Variants in SMAGP observed in about 807,000 individuals in gnomAD.
SMAGP encodes the protein small cell adhesion glycoprotein.
A neutral mutation model predicts 10.1 loss-of-function variants in SMAGP; 7 were observed. That is an observed-to-expected ratio of 0.70 (90% CI 0.40 to 1.31). The LOEUF is 1.31. SMAGP is among the 50% of genes most tolerant of loss of function. SMAGP has a pLI of 0.01. For synonymous variants in SMAGP, 49 were observed against 47.2 expected, an observed-to-expected ratio of 1.04 and a Z score of -0.16; for missense variants, 113 against 116.5, an observed-to-expected ratio of 0.97 and a Z score of 0.14.
In SMAGP at chr12:51,246,759, A is replaced by T. The variant is rs1172796260; in HGVS notation, c.107T>A (p.Leu36His). Reference protein sequence around the residue: ...LSPEDGASTALIAVVITVVFL... With the variant: ...LSPEDGASTAHIAVVITVVFL... Reference sequence around the variant, plus strand: ...GGCTCAGAGTCTATTACCTGCAATGAGTGCTGTGCTGGCTCCATCTTCTGG... The same window carrying T: ...GGCTCAGAGTCTATTACCTGCAATGTGTGCTGTGCTGGCTCCATCTTCTGG... Residue 36 changes from leucine to histidine, a missense_variant, in exon 3 of 4, where the codon CTC becomes CAC. Physicochemically the swap from Leu to His is moderately conservative, Grantham distance 99 (BLOSUM62 -3). Transcript: ENST00000603798. The T allele has an allele frequency of 3.2e-6, 5 of 1,581,516 alleles. No homozygotes were observed. Among genetic ancestry groups the T allele is most frequent in the Non-Finnish European group, 4.3e-6 (5 of 1,164,340 alleles).
chr12:51,265,332 G>A (rs2137310885), intron 2 of SMAGP, among the ~76,000 whole-genome samples: 1 of 152,218 alleles, frequency 6.6e-6, no homozygotes, highest in South Asian at 2.1e-4. Flanking sequence ...ATCAAACACA[G>A]AATTACCACA....
chr12:51,262,670 T>C (rs894932789), intron 2 of SMAGP, among the ~76,000 whole-genome samples: 8 of 152,156 alleles, frequency 5.3e-5, no homozygotes, highest in Non-Finnish European at 7.4e-5. Flanking sequence ...GTTCATAAGA[T>C]TGAAGGCCCC....
At chr12:51,265,892 C>G (rs574455071) in intron 2 of SMAGP, among the ~76,000 whole-genome samples, 2,691 of 152,216 alleles carry the variant, frequency 0.018, 86 homozygotes, top group African/African-American at 0.061. Context: ...ACCATCCTGG[C>G]TAACACGGTG....
intron 3 of SMAGP, 147 bp from the exon 4 acceptor site, chr12:51,246,266 C>A: frequency 1.8e-6 from 2 of 1,130,164 alleles, no homozygotes; most frequent in Non-Finnish European, 2.5e-6. Flanking sequence ...CCCATGTTCC[C>A]CCACCAACCC....
intron 2 of SMAGP, among the ~76,000 whole-genome samples, chr12:51,260,954 G>A (rs1355836831): frequency 2.0e-5 from 3 of 151,682 alleles, no homozygotes; most frequent in Non-Finnish European, 4.4e-5. Flanking sequence ...CCAAAGTGCT[G>A]GGATTACAGT....
intron 2 of SMAGP, among the ~76,000 whole-genome samples, chr12:51,249,821 T>G (rs905446729): frequency 5.3e-5 from 8 of 151,768 alleles, no homozygotes; most frequent in Non-Finnish European, 1.0e-4. Context: ...TTCACCATGT[T>G]GGCCAGGCTG....
At chr12:51,259,312 C>T (rs1317170221) in intron 2 of SMAGP, among the ~76,000 whole-genome samples, 1 of 152,180 alleles carries the variant, frequency 6.6e-6, no homozygotes, top group Non-Finnish European at 1.5e-5. Context: ...TGGAGTCTTA[C>T]TGTGTTGCCT....
intron 2 of SMAGP, among the ~76,000 whole-genome samples, chr12:51,262,458 G>A (rs1944939812): frequency 6.6e-6 from 1 of 152,136 alleles, no homozygotes; most frequent in Non-Finnish European, 1.5e-5. Context: ...TACAGCCTGG[G>A]TGAAACTGAG....
intron 2 of SMAGP, among the ~76,000 whole-genome samples, chr12:51,264,999 T>A (rs1391827870): frequency 6.1e-5 from 9 of 147,544 alleles, no homozygotes; most frequent in Non-Finnish European, 1.2e-4. Flanking sequence ...TTAAAAAAAA[T>A]TTTTAAAGGA....
intron 2 of SMAGP, among the ~76,000 whole-genome samples, chr12:51,248,434 A>ACACACTCTCACTCTCTCT (rs1188710796): frequency 7.7e-5 from 6 of 77,468 alleles, no homozygotes; most frequent in African/African-American, 3.1e-4. Context: ...ACACACACAC[A>ACACACTCTCACTCTCTCT]CTCTCTCTCT....
At chr12:51,249,147 G>C (rs1944812684) in intron 2 of SMAGP, among the ~76,000 whole-genome samples, 1 of 152,092 alleles carries the variant, frequency 6.6e-6, no homozygotes, top group Non-Finnish European at 1.5e-5. Flanking sequence ...GGAGGGTGAC[G>C]CACCAGGGAG....
chr12:51,247,932 A>T (rs1317984703), intron 2 of SMAGP, among the ~76,000 whole-genome samples: 10 of 152,204 alleles, frequency 6.6e-5, no homozygotes, highest in Non-Finnish European at 2.9e-5. Flanking sequence ...TCCAGCCAGA[A>T]GCGACCCCCC....
chr12:51,266,236 T>C (rs1221764656), intron 2 of SMAGP, among the ~76,000 whole-genome samples: 1 of 152,218 alleles, frequency 6.6e-6, no homozygotes, highest in East Asian at 1.9e-4. Context: ...TTAAATTATG[T>C]ACCGTTCTGA....
Position 51,256,749 on chromosome 12 carries a change from AC to A in SMAGP, c.35-9919del, listed in dbSNP as rs567743750. Among the ~76,000 whole-genome samples, 464 of 144,558 alleles carry A rather than the reference AC, an allele frequency of 3.2e-3. 4 individuals are homozygous for A. Among genetic ancestry groups the A allele is most frequent in the African/African-American group, 0.011 (440 of 39,268 alleles). The allele number at this position is 144,558 out of a possible 152,430, so 94.8% of individuals were successfully genotyped here. ...ACAAACAAACAAACAAACAAAAAAA[AC>A]ACAAACAAACAAAACCTCCCCCCCA... On this transcript the variant is annotated intron_variant, in intron 2 of 3. Transcript: ENST00000603798.
intron 2 of SMAGP, among the ~76,000 whole-genome samples, chr12:51,257,453 T>A (rs998960614): frequency 7.9e-5 from 12 of 152,152 alleles, no homozygotes; most frequent in Non-Finnish European, 1.5e-4. Flanking sequence ...CTTGTGCCTA[T>A]AATCCCAGCA....
In SMAGP at chr12:51,262,351, G is replaced by A. The variant is rs190785252; in HGVS notation, c.34+6894C>T. Among the ~76,000 whole-genome samples, 16 of 150,258 alleles carry A rather than the reference G, an allele frequency of 1.1e-4. No homozygotes were observed. The East Asian group carries it at 2.6e-3, about 25-fold the overall frequency. ...AAAAATTAACTGGGCATGGTGGCAC[G>A]CACCTGTGATCCCAGCTACTTGGGA... On this transcript the variant is annotated intron_variant, in intron 2 of 3. Transcript: ENST00000603798.
intron 2 of SMAGP, among the ~76,000 whole-genome samples, chr12:51,266,633 A>G (rs1401650570): frequency 6.6e-6 from 1 of 152,144 alleles, no homozygotes; most frequent in African/African-American, 2.4e-5. Flanking sequence ...TTTACAAGTT[A>G]AGCTTTATCA....
At chr12:51,268,530 C>A (rs1944996745) in intron 2 of SMAGP, among the ~76,000 whole-genome samples, 1 of 151,958 alleles carries the variant, frequency 6.6e-6, no homozygotes, top group African/African-American at 2.4e-5. Flanking sequence ...ATGTAAAGCC[C>A]TTCCTTTAGG....
chr12:51,258,792 A>G (rs1200041788), intron 2 of SMAGP, among the ~76,000 whole-genome samples: 1 of 152,036 alleles, frequency 6.6e-6, no homozygotes, highest in Non-Finnish European at 1.5e-5. Context: ...AAATCATGCA[A>G]GGGCCAAAAT....
Sources: allele counts gnomAD v4.1 joint callset (sites outside exome capture counted in the v4.1 genomes callset), GRCh38; gene constraint gnomAD v4.1.1; transcripts MANE v1.5; gene names NCBI Gene and HGNC (gene_info 2026-07-23, HGNC 2026-07-21).